SIL1: variants seen among roughly 807,000 people sequenced by gnomAD.
SIL1 encodes the protein SIL1 nucleotide exchange factor.
Under a neutral mutation model 49.1 loss-of-function variants are expected in SIL1, and 40 were observed. That is an observed-to-expected ratio of 0.81 (90% CI 0.63 to 1.06). The LOEUF (loss-of-function observed/expected upper bound fraction) is 1.06. SIL1 is among the 50% of genes least tolerant of loss of function. SIL1 has a pLI of 0.00. For synonymous variants in SIL1, 253 were observed against 250.8 expected, an observed-to-expected ratio of 1.01 and a Z score of -0.08; for missense variants, 500 against 572.6, an observed-to-expected ratio of 0.87 and a Z score of 1.29.
At chr5:139,110,123 C>T (rs998017162) in intron 3 of SIL1, among the ~76,000 whole-genome samples, 1 of 150,498 alleles carries the variant, frequency 6.6e-6, no homozygotes, top group South Asian at 2.1e-4. Context: ...GAGCCGAGAT[C>T]ACGCCATTGC....
intron 7 of SIL1, among the ~76,000 whole-genome samples, chr5:138,956,644 A>G (rs10065532): frequency 0.44 from 67,188 of 151,284 alleles, 16,427 homozygotes; most frequent in African/African-American, 0.67. Flanking sequence ...TCGGGAGGCT[A>G]AGGCAGGAGA....
chr5:139,037,150 A>C (rs1049469784), intron 5 of SIL1, among the ~76,000 whole-genome samples: 1 of 152,140 alleles, frequency 6.6e-6, no homozygotes, highest in Admixed American at 6.5e-5. Flanking sequence ...AGCAATTGAA[A>C]AATATTCCAC....
chr5:139,084,462 T>G (rs1359057813), intron 3 of SIL1, among the ~76,000 whole-genome samples: 13 of 89,576 alleles, frequency 1.5e-4, no homozygotes, highest in African/African-American at 5.7e-4. Context: ...CCATAAAAAA[T>G]GATGAGTTCA....
intron 1 of SIL1, among the ~76,000 whole-genome samples, chr5:139,166,579 C>T (rs1194650209): frequency 6.6e-6 from 1 of 152,198 alleles, no homozygotes; most frequent in Non-Finnish European, 1.5e-5. Flanking sequence ...ACTGCTTGAG[C>T]CAAGGAATTT....
intron 1 of SIL1, among the ~76,000 whole-genome samples, chr5:139,186,877 C>A (rs945508567): frequency 2.6e-5 from 4 of 152,140 alleles, no homozygotes; most frequent in Admixed American, 2.6e-4. Context: ...TCTAAGGAAT[C>A]CAATGCTTCA....
chr5:139,162,485 GAA>G (rs1751532047), intron 1 of SIL1, among the ~76,000 whole-genome samples: 1 of 152,096 alleles, frequency 6.6e-6, no homozygotes, highest in African/African-American at 2.4e-5. Context: ...ATGCTAGGAA[GAA>G]AGAGAGCCAC....
chr5:139,089,770 AAGG>A, intron 3 of SIL1, among the ~76,000 whole-genome samples: 1 of 152,338 alleles, frequency 6.6e-6, no homozygotes, highest in South Asian at 2.1e-4. Flanking sequence ...TAAAGACAGA[AAGG>A]AGCTTTGTGG....
At chr5:139,098,809 C>CTTTTTTTT (rs59863544) in intron 3 of SIL1, among the ~76,000 whole-genome samples, 60 of 89,084 alleles carry the variant, frequency 6.7e-4, no homozygotes, top group African/African-American at 1.6e-3. Context: ...TTTTCTTACT[C>CTTTTTTTT]TTTTTTTTTT....
At chr5:139,035,642 CTTTTTTTTTTTTTTT>C in intron 5 of SIL1, 2 of 159,194 alleles carry the variant, frequency 1.3e-5, no homozygotes, top group Non-Finnish European at 2.2e-5. Context: ...AGGTATACAA[CTTTTTTTTTTTTTTT>C]TTTTTTTTTT....
intron 1 of SIL1, among the ~76,000 whole-genome samples, chr5:139,154,623 G>A (rs971917456): frequency 8.5e-5 from 13 of 152,054 alleles, no homozygotes; most frequent in African/African-American, 2.4e-5. Flanking sequence ...GGAATACCCC[G>A]GTGTAAAAAA....
intron 1 of SIL1, among the ~76,000 whole-genome samples, chr5:139,131,003 G>A (rs1750852242): frequency 6.6e-6 from 1 of 152,204 alleles, no homozygotes; most frequent in Non-Finnish European, 1.5e-5. Context: ...AATAGGTAAA[G>A]AGTTTCTATT....
At chr5:138,979,790 T>G (rs957217686) in intron 7 of SIL1, among the ~76,000 whole-genome samples, 2 of 152,208 alleles carry the variant, frequency 1.3e-5, no homozygotes, top group South Asian at 4.1e-4. Flanking sequence ...TCTGGAATCA[T>G]TTCTGTCTAG....
rs756094627 is a variant in SIL1, at chr5:138,951,345, C to T, written c.865-10G>A. ...ACAGTGCAAACAGGACCTGGGGGCA[C>T]AGACCCAGGGGTAGGTGAGGGGCCA... On this transcript the variant is annotated splice_polypyrimidine_tract_variant and intron_variant, in intron 8 of 9. Transcript: ENST00000394817. The T allele has an allele frequency of 1.3e-6, 2 of 1,551,974 alleles. No homozygotes were observed. Among genetic ancestry groups the T allele is most frequent in the African/African-American group, 1.4e-5 (1 of 73,164 alleles).
At chr5:139,192,075 A>AG in intron 1 of SIL1, among the ~76,000 whole-genome samples, 1 of 48,934 alleles carries the variant, frequency 2.0e-5, no homozygotes. Flanking sequence ...ATGCTGTCTC[A>AG]AAAAAAAAAA....
chr5:139,190,506 C>G (rs568694420), intron 1 of SIL1, among the ~76,000 whole-genome samples: 73 of 152,276 alleles, frequency 4.8e-4, no homozygotes, highest in African/African-American at 1.7e-3. Context: ...TGCATCTTTA[C>G]AATGCTTTAA....
intron 3 of SIL1, among the ~76,000 whole-genome samples, chr5:139,108,882 C>T (rs1343605949): frequency 6.7e-6 from 1 of 149,214 alleles, no homozygotes; most frequent in African/African-American, 2.5e-5. Context: ...GGGAAAAGAA[C>T]TGAGAGCATG....
intron 3 of SIL1, 60 bp from the exon 4 acceptor site, chr5:139,051,106 TG>T: frequency 6.6e-7 from 1 of 1,525,034 alleles, no homozygotes; most frequent in South Asian, 1.1e-5. Flanking sequence ...GCTGTCGGGA[TG>T]GCCAGCAAGC....
chr5:138,987,576 C>T lies in SIL1; in HGVS notation c.767+33595G>A, dbSNP rs1193425346. 2.6e-5 allele frequency among the ~76,000 whole-genome samples: 4 copies of T among 152,116 alleles called. No homozygotes were observed. The East Asian group carries it at 7.7e-4, about 29-fold the overall frequency. ...CAGCTGGCCCTGAGGAGTCTAAACC[C>T]TCACACTCCTCTAAAGGGCATGATA... is the stretch of plus-strand genomic sequence containing the variant. On this transcript the variant is annotated intron_variant, in intron 7 of 9. Transcript: ENST00000394817.
chr5:139,028,502 CAAAA>C (rs1252674414), intron 5 of SIL1, among the ~76,000 whole-genome samples: 2 of 48,164 alleles, frequency 4.2e-5, no homozygotes, highest in Non-Finnish European at 7.8e-5. Flanking sequence ...CATCACAAAA[CAAAA>C]CAAAACAAAA....
Sources: gnomAD v4.1 joint callset for allele counts (sites outside exome capture counted in the v4.1 genomes callset) on GRCh38, gnomAD v4.1.1 for gene constraint, MANE v1.5 for transcripts, NCBI Gene and HGNC (gene_info 2026-07-23, HGNC 2026-07-21) for gene names.